Variants in HEYL observed in about 807,000 individuals in gnomAD.
The protein encoded by HEYL is hes related family bHLH transcription factor with YRPW motif like, also known as hairy/enhancer-of-split related with YRPW motif-like protein.
A neutral mutation model predicts 18.6 loss-of-function variants in HEYL; 12 were observed. That is an observed-to-expected ratio of 0.65 (90% CI 0.41 to 1.05). HEYL has a LOEUF of 1.05. Among genes scored for constraint, HEYL ranks in the 50% least tolerant of loss-of-function variants. HEYL has a pLI of 0.00. For missense variants in HEYL, 420 were observed against 444.7 expected (o/e 0.94, Z 0.50); for synonymous variants, 159 against 179.6 (o/e 0.89, Z 0.91).
intron 1 of HEYL, 167 bp from the exon 2 acceptor site, chr1:39,632,882 C>G (rs1646342136): frequency 1.0e-6 from 1 of 985,318 alleles, no homozygotes; most frequent in Non-Finnish European, 1.2e-6. Flanking sequence ...CTCATGCACT[C>G]TGGGCCCACT....
At chr1:39,633,245 C>A (rs1646344961) in intron 1 of HEYL, 1 of 407,786 alleles carries the variant, frequency 2.5e-6, no homozygotes, top group African/African-American at 2.1e-5. Flanking sequence ...GGTCACAGGC[C>A]CCTCTCGGAT....
At position 39,626,602 on chromosome 1, in the gene HEYL, G is replaced by A; in HGVS notation, c.892C>T (p.Pro298Ser). ...GCTGGCCCTGGGGAGGATGAGTTGG[G>A]GGTGGGAACAGCCACGTAAGCAGCC... Reference protein sequence around the residue: ...GSAAYVAVPTPNSSSPGPAGR... With the variant: ...GSAAYVAVPTSNSSSPGPAGR... Residue 298 changes from proline (P) to serine (S), a missense_variant, in exon 5 of 5, where the codon CCC becomes TCC. By Grantham distance (74) the Pro-to-Ser change is moderately conservative. Coordinates refer to ENST00000372852, the MANE Select transcript of HEYL (RefSeq NM_014571.4). 6.4e-7 allele frequency: 1 copy of A among 1,556,290 alleles called. No homozygotes were observed. The highest frequency in any genetic ancestry group is 8.7e-7 in the Non-Finnish European group (1 of 1,151,204).
Position 39,639,595 on chromosome 1 carries a change from C to T in HEYL, c.31G>A (p.Asp11Asn). 10 of 1,577,142 alleles carry T rather than the reference C, an allele frequency of 6.3e-6. No homozygotes were observed. The highest frequency in any genetic ancestry group is 1.1e-5 in the South Asian group (1 of 87,130). The change falls in exon 1 of 5, where the codon GAC becomes AAC. Residue 11 changes from aspartate to asparagine, a missense_variant. Coordinates refer to ENST00000372852, the MANE Select transcript of HEYL (RefSeq NM_014571.4). Reference protein sequence around the residue: MKRPKEPSGSDGESDGPIDVG... With the variant: MKRPKEPSGSNGESDGPIDVG... ...TCGATGGGTCCGTCGGACTCCCCGT[C>T]GGAGCCGCTCGGCTCCTTGGGTCGC...
rs139668981 is a variant in HEYL, at chr1:39,627,006, G to A, written c.488C>T (p.Ser163Leu). ...GGCCAAAGGGCCAGTGGGCGTGGGC[G>A]AAGGCTCCATCTCGGCTGCGTAGCT... ...LNSYAAEMEPSPTPTGPLAFP... is the reference protein window; with the variant it reads ...LNSYAAEMEPLPTPTGPLAFP... The change falls in exon 5 of 5, where the codon TCG (serine) becomes TTG (leucine). Residue 163 changes from serine to leucine, a missense_variant. Physicochemically the swap from Ser to Leu is moderately radical, Grantham distance 145 (BLOSUM62 -2). Coordinates refer to ENST00000372852, the MANE Select transcript of HEYL (RefSeq NM_014571.4). 70 of 1,614,056 alleles carry A rather than the reference G, an allele frequency of 4.3e-5. No individual in the cohort carries two copies. In the African/African-American group the frequency reaches 5.1e-4, roughly 12 times the overall value.
intron 4 of HEYL, among the ~76,000 whole-genome samples, 173 bp from the exon 5 acceptor site, chr1:39,627,353 C>G (rs562035625): frequency 6.6e-6 from 1 of 152,322 alleles, no homozygotes; most frequent in African/African-American, 2.4e-5. Flanking sequence ...GAACAAAAAT[C>G]CCTTCCTGGG....
intron 1 of HEYL, chr1:39,633,002 G>A (rs1247705774): frequency 9.2e-6 from 9 of 974,850 alleles, no homozygotes; most frequent in Non-Finnish European, 1.1e-5. Context: ...CGGTGGCTCC[G>A]GCTCCTGCAA....
At chr1:39,638,935 G>A (rs1646373536) in intron 1 of HEYL, among the ~76,000 whole-genome samples, 1 of 152,316 alleles carries the variant, frequency 6.6e-6, no homozygotes, top group South Asian at 2.1e-4. Flanking sequence ...TCTACCAGGA[G>A]CTGAAAGACA....
intron 1 of HEYL, among the ~76,000 whole-genome samples, chr1:39,634,628 A>T (rs1032818730): frequency 2.6e-5 from 4 of 152,184 alleles, no homozygotes; most frequent in Non-Finnish European, 5.9e-5. Context: ...ATCTCAACTC[A>T]GATGGCACCT....
intron 1 of HEYL, 91 bp from the exon 2 acceptor site, chr1:39,632,806 G>A: frequency 6.4e-7 from 1 of 1,566,448 alleles, no homozygotes; most frequent in Non-Finnish European, 8.6e-7. Flanking sequence ...CCACAGGCTG[G>A]GCCTAGAAGG....
chr1:39,627,942 T>A (rs1330628023), intron 4 of HEYL, among the ~76,000 whole-genome samples: 6 of 152,226 alleles, frequency 3.9e-5, no homozygotes. Flanking sequence ...AAGACCCCAC[T>A]GTGATCCTCA....
In HEYL at chr1:39,625,817, C is replaced by T. The variant is rs1425112266; in HGVS notation, c.*690G>A. On this transcript the variant is annotated 3_prime_UTR_variant, in exon 5 of 5. Transcript: ENST00000372852. ...CTGGGTTTACCAGGCCAGCTGTGTG[C>T]AGGGACCTGTTAGTCAGTGAGAGGG... The T allele has an allele frequency of 1.3e-5, 2 of 152,554 alleles. No individual in the cohort carries two copies. Among genetic ancestry groups the T allele is most frequent in the Non-Finnish European group, 2.9e-5 (2 of 68,302 alleles). The allele number at this position is 152,554 out of a possible 1,614,324, so 9.5% of individuals were successfully genotyped here.
In HEYL at chr1:39,630,241, G is replaced by C. The variant is rs779399970; in HGVS notation, c.299C>G (p.Ala100Gly). 6.2e-7 allele frequency: 1 copy of C among 1,613,832 alleles called. No homozygotes were observed. Among genetic ancestry groups the C allele is most frequent in the South Asian group, 1.1e-5 (1 of 91,072 alleles). The change falls in exon 4 of 5, where the codon GCC becomes GGC. Residue 100 changes from alanine to glycine, a missense_variant. Coordinates refer to ENST00000372852, the MANE Select transcript of HEYL (RefSeq NM_014571.4). ...AGCATGGGTACCTGTCCCACCAGTG[G>C]CATGGAGCATTTTCAAGTGATCCAC... ...MTVDHLKMLHATGGTGFFDAR... is the reference protein window; with the variant it reads ...MTVDHLKMLHGTGGTGFFDAR...
chr1:39,639,628 C>A lies in HEYL; in HGVS notation c.-3G>T, dbSNP rs762569509. ...CTCGGCTCCTTGGGTCGCTTCATGG[C>A]GAACGCAGGCTGCCTGGTCTCAGCC... is the stretch of plus-strand genomic sequence containing the variant. On this transcript the variant is annotated 5_prime_UTR_variant, in exon 1 of 5. Coordinates refer to ENST00000372852, the MANE Select transcript of HEYL (RefSeq NM_014571.4). 4.5e-6 allele frequency: 7 copies of A among 1,552,298 alleles called. No homozygotes were observed. The highest frequency in any genetic ancestry group is 5.2e-6 in the Non-Finnish European group (6 of 1,155,776).
rs181674145 is a variant in HEYL, at chr1:39,632,690, G to C, written c.106C>G (p.Pro36Ala). Residue 36 changes from proline (P) to alanine (A), a missense_variant, in exon 2 of 5, where the codon CCC becomes GCC. By Grantham distance (27) the Pro-to-Ala change is conservative (BLOSUM62 -1). Transcript: ENST00000372852. ...CTGGCTTGCATCTGCGAAGAGCTGG[G>C]GGTGGACAGCGGCCTGGCCATCTGG... The part of the protein sequence containing the change: ...LSQMARPLST[P>A]SSSQMQARKK... The C allele has an allele frequency of 1.1e-5, 18 of 1,614,024 alleles. No homozygotes were observed. The East Asian group carries it at 4.0e-4, about 36-fold the overall frequency.
chr1:39,626,255 C>T lies in HEYL; in HGVS notation c.*252G>A. On this transcript the variant is annotated 3_prime_UTR_variant, in exon 5 of 5. Transcript: ENST00000372852. ...GGATCTCTGAGGGTCTCTCCCAGGACTCATCTGTTCAGGTGAGAAATGGAA... is the reference window on the plus strand; with the variant it reads ...GGATCTCTGAGGGTCTCTCCCAGGATTCATCTGTTCAGGTGAGAAATGGAA... The T allele has an allele frequency of 2.1e-6, 1 of 481,322 alleles. No individual in the cohort carries two copies. The highest frequency in any genetic ancestry group is 3.5e-5 in the East Asian group (1 of 28,566). The allele number at this position is 481,322 out of a possible 1,614,324, so 29.8% of individuals were successfully genotyped here.
At chr1:39,629,694 A>T (rs1646321653) in intron 4 of HEYL, among the ~76,000 whole-genome samples, 1 of 152,204 alleles carries the variant, frequency 6.6e-6, no homozygotes, top group African/African-American at 2.4e-5. Context: ...CTTTAAAGCC[A>T]CTGTTCCCTT....
intron 1 of HEYL, among the ~76,000 whole-genome samples, chr1:39,639,001 C>T (rs984559518): frequency 4.6e-5 from 7 of 152,152 alleles, no homozygotes; most frequent in African/African-American, 1.7e-4. Context: ...TAGGCCCTTG[C>T]AAGTCGCTTA....
intron 4 of HEYL, among the ~76,000 whole-genome samples, chr1:39,629,258 C>A (rs1230465164): frequency 6.6e-6 from 1 of 152,244 alleles, no homozygotes; most frequent in Non-Finnish European, 1.5e-5. Flanking sequence ...TTTCTTTTCA[C>A]TGGATAACCA....
intron 1 of HEYL, among the ~76,000 whole-genome samples, chr1:39,635,869 G>C (rs1480591144): frequency 6.6e-6 from 1 of 152,198 alleles, no homozygotes; most frequent in East Asian, 1.9e-4. Context: ...GTGGGATGAG[G>C]TGTGGGATTC....
Sources: allele counts gnomAD v4.1 joint callset (sites outside exome capture counted in the v4.1 genomes callset), GRCh38; gene constraint gnomAD v4.1.1; transcripts MANE v1.5; gene names NCBI Gene and HGNC (gene_info 2026-07-23, HGNC 2026-07-21).